Variants in MALRD1 observed in about 807,000 individuals in gnomAD.
The protein encoded by MALRD1 is MAM and LDL-receptor class A domain-containing protein 1.
MALRD1 carries 247 observed loss-of-function variants against 242.1 expected under a neutral mutation model. The observed-to-expected ratio is 1.02, with a 90% CI of 0.92 to 1.13. MALRD1 has a LOEUF of 1.13. Among genes scored for constraint, MALRD1 ranks in the 50% most tolerant of loss-of-function variants. MALRD1 has a pLI of 0.00. For synonymous variants in MALRD1, 995 were observed against 866.6 expected (o/e 1.15, Z -2.60); for missense variants, 2,989 against 2,533.1 (o/e 1.18, Z -3.86).
chr10:19,112,867 C>T (rs559386186), intron 5 of MALRD1, among the ~76,000 whole-genome samples: 14 of 152,202 alleles, frequency 9.2e-5, no homozygotes, highest in African/African-American at 3.4e-4. Flanking sequence ...AAAATCTGTT[C>T]CCTCTCATTC....
At chr10:19,644,827 C>T (rs56053396) in intron 36 of MALRD1, among the ~76,000 whole-genome samples, 4,673 of 152,152 alleles carry the variant, frequency 0.031, 119 homozygotes, top group Non-Finnish European at 0.05. Context: ...GAATGTAAAC[C>T]AAATTTGTCT....
chr10:19,524,556 A>G (rs188235717), intron 31 of MALRD1, among the ~76,000 whole-genome samples: 37 of 152,272 alleles, frequency 2.4e-4, no homozygotes, highest in Admixed American at 4.6e-4. Flanking sequence ...CCTGATAGTC[A>G]TTAGACACCC....
intron 36 of MALRD1, among the ~76,000 whole-genome samples, chr10:19,631,665 A>C (rs1839910408): frequency 6.6e-6 from 1 of 152,032 alleles, no homozygotes; most frequent in Non-Finnish European, 1.5e-5. Context: ...TTATTTTTTG[A>C]CTTTTTAATA....
chr10:19,540,640 A>G (rs1326235832), intron 32 of MALRD1, among the ~76,000 whole-genome samples: 1 of 152,104 alleles, frequency 6.6e-6, no homozygotes, highest in Non-Finnish European at 1.5e-5. Flanking sequence ...TTCTCATGAG[A>G]TGTTACTATA....
At chr10:19,260,629 C>A (rs16918433) in intron 19 of MALRD1, among the ~76,000 whole-genome samples, 1 of 151,890 alleles carries the variant, frequency 6.6e-6, no homozygotes, top group Admixed American at 6.6e-5. Flanking sequence ...ATATTATAAC[C>A]GGCCATTCTT....
chr10:19,360,257 A>G (rs554408025), intron 26 of MALRD1, among the ~76,000 whole-genome samples: 79 of 152,178 alleles, frequency 5.2e-4, no homozygotes, highest in East Asian at 1.2e-3. Flanking sequence ...GTGAAACTTC[A>G]TATCTCTGAA....
rs180708513 is a variant in MALRD1 at position 19,619,669 on chromosome 10, A to G, written c.6137+3746A>G. Among the ~76,000 whole-genome samples the G allele has an allele frequency of 6.6e-5, 10 of 152,236 alleles. No homozygotes were observed. The South Asian group carries it at 1.0e-3, about 16-fold the overall frequency. On this transcript the variant is annotated intron_variant, in intron 36 of 39. Coordinates refer to ENST00000454679, the MANE Select transcript of MALRD1 (RefSeq NM_001142308.3). ...AGTTGCTTTTCTGAAAGAAACATCT[A>G]TTGTAAAGTGTAACATTATATACTG...
At chr10:19,648,065 A>G (rs1333580411) in intron 36 of MALRD1, among the ~76,000 whole-genome samples, 1 of 152,158 alleles carries the variant, frequency 6.6e-6, no homozygotes, top group African/African-American at 2.4e-5. Flanking sequence ...GGGAGGAGGA[A>G]CCTCTGCAGA....
intron 31 of MALRD1, among the ~76,000 whole-genome samples, chr10:19,522,336 C>G (rs1201093032): frequency 1.3e-5 from 2 of 152,080 alleles, no homozygotes; most frequent in Admixed American, 6.5e-5. Flanking sequence ...ACACTATATA[C>G]TGGGTAAAAG....
intron 21 of MALRD1, among the ~76,000 whole-genome samples, chr10:19,295,302 ATGTC>A (rs1167019950): frequency 1.7e-4 from 26 of 152,216 alleles, no homozygotes; most frequent in African/African-American, 6.0e-4. Flanking sequence ...AGTTTATGAG[ATGTC>A]TGTCTTTCTA....
intron 32 of MALRD1, among the ~76,000 whole-genome samples, chr10:19,552,719 A>T (rs1236413770): frequency 2.3e-5 from 2 of 87,786 alleles, no homozygotes; most frequent in African/African-American, 5.7e-5. Flanking sequence ...TTTCAAAAGA[A>T]AAAAATTATT....
At chr10:19,606,244 A>G (rs1231351383) in intron 34 of MALRD1, among the ~76,000 whole-genome samples, 1 of 152,174 alleles carries the variant, frequency 6.6e-6, no homozygotes. Flanking sequence ...TTCTTGGGTC[A>G]TTTAAATAAT....
chr10:19,268,206 G>A (rs921543562), intron 19 of MALRD1, among the ~76,000 whole-genome samples: 2 of 151,528 alleles, frequency 1.3e-5, no homozygotes, highest in African/African-American at 4.8e-5. Context: ...TTGTTATAAA[G>A]CAAAAGTATT....
intron 33 of MALRD1, among the ~76,000 whole-genome samples, chr10:19,587,249 C>G (rs868699524): frequency 3.9e-5 from 6 of 152,330 alleles, no homozygotes; most frequent in African/African-American, 9.6e-5. Flanking sequence ...CTTGGCTCCT[C>G]CCCTCTTTTG....
intron 33 of MALRD1, among the ~76,000 whole-genome samples, chr10:19,580,370 T>C (rs908379941): frequency 6.6e-6 from 1 of 152,080 alleles, no homozygotes; most frequent in African/African-American, 2.4e-5. Context: ...TCAGATCTTA[T>C]TTTCTTTCAA....
chr10:19,370,850 A>G (rs998166511), intron 26 of MALRD1, among the ~76,000 whole-genome samples: 1 of 152,074 alleles, frequency 6.6e-6, no homozygotes, highest in African/African-American at 2.4e-5. Context: ...GTGCTGGGAT[A>G]ACAGGCATGA....
chr10:19,245,647 T>G (rs936435836), intron 18 of MALRD1, among the ~76,000 whole-genome samples: 1 of 152,186 alleles, frequency 6.6e-6, no homozygotes, highest in Non-Finnish European at 1.5e-5. Flanking sequence ...GAACTTAGAT[T>G]AGATTAGTAG....
intron 19 of MALRD1, among the ~76,000 whole-genome samples, chr10:19,259,710 T>C (rs999484802): frequency 1.3e-5 from 2 of 152,120 alleles, no homozygotes; most frequent in African/African-American, 2.4e-5. Context: ...GGCTTTTCCA[T>C]CTGCTTTCCC....
At chr10:19,315,774 T>C (rs942298454) in intron 21 of MALRD1, among the ~76,000 whole-genome samples, 9 of 142,222 alleles carry the variant, frequency 6.3e-5, no homozygotes, top group African/African-American at 2.3e-4. Flanking sequence ...ATGTATATAA[T>C]ATGTATGTAT....
Sources: allele counts gnomAD v4.1 joint callset (sites outside exome capture counted in the v4.1 genomes callset), GRCh38; gene constraint gnomAD v4.1.1; transcripts MANE v1.5; gene names NCBI Gene and HGNC (gene_info 2026-07-23, HGNC 2026-07-21).